The following NRXN3 variants were observed in gnomAD, a reference collection of about 807,000 sequenced individuals.
The protein encoded by NRXN3 is neurexin 3.
Under a neutral mutation model 137.6 loss-of-function variants are expected in NRXN3, and 32 were observed. The observed-to-expected ratio is 0.23, with a 90% CI of 0.18 to 0.31. The LOEUF (loss-of-function observed/expected upper bound fraction) is 0.31. NRXN3 is among the 10% of genes least tolerant of loss of function. The pLI, the probability that NRXN3 is intolerant of heterozygous loss-of-function variation, is 1.00. For missense variants in NRXN3, 1,574 were observed against 2,062.5 expected, an observed-to-expected ratio of 0.76 and a Z score of 4.59; for synonymous variants, 798 against 784.5, an observed-to-expected ratio of 1.02 and a Z score of -0.29.
At chr14:79,311,481 A>G (rs2087278089) in intron 15 of NRXN3, among the ~76,000 whole-genome samples, 1 of 30,770 alleles carries the variant, frequency 3.2e-5, no homozygotes, top group Non-Finnish European at 5.5e-5. Flanking sequence ...CTCTTTTTCT[A>G]TTGATTGGAA....
chr14:79,073,630 CT>C (rs2099691263), intron 15 of NRXN3, among the ~76,000 whole-genome samples: 1 of 152,106 alleles, frequency 6.6e-6, no homozygotes, highest in African/African-American at 2.4e-5. Context: ...ACAGCCTTTT[CT>C]TTTTATTCCC....
At chr14:79,144,956 T>C (rs1194749887) in intron 15 of NRXN3, among the ~76,000 whole-genome samples, 1 of 152,168 alleles carries the variant, frequency 6.6e-6, no homozygotes, top group Non-Finnish European at 1.5e-5. Context: ...TAGAAATTTT[T>C]GTCATAAAAC....
chr14:78,232,252 C>T (rs1442301037), intron 1 of NRXN3, among the ~76,000 whole-genome samples: 1 of 152,222 alleles, frequency 6.6e-6, no homozygotes, highest in East Asian at 1.9e-4. Flanking sequence ...GTTCTGTTCT[C>T]CTCACCAGCT....
chr14:78,732,477 A>G (rs560472444), intron 8 of NRXN3, among the ~76,000 whole-genome samples: 1 of 152,300 alleles, frequency 6.6e-6, no homozygotes, highest in East Asian at 1.9e-4. Context: ...AATGTGCCCC[A>G]ATATTGATAA....
At chr14:78,438,455 G>T (rs1033049686) in intron 4 of NRXN3, among the ~76,000 whole-genome samples, 1 of 152,188 alleles carries the variant, frequency 6.6e-6, no homozygotes, top group Non-Finnish European at 1.5e-5. Context: ...AAGGGTGAGG[G>T]GTTGAAACAA....
At chr14:78,770,063 G>A (rs2098721892) in intron 8 of NRXN3, among the ~76,000 whole-genome samples, 1 of 152,168 alleles carries the variant, frequency 6.6e-6, no homozygotes, top group South Asian at 2.1e-4. Context: ...CAAGGGATCT[G>A]TATTTATACA....
chr14:78,278,525 C>G, intron 2 of NRXN3, 120 bp from the exon 3 acceptor site: 1 of 824,730 alleles, frequency 1.2e-6, no homozygotes, highest in East Asian at 2.7e-5. Context: ...CTTGCATGAA[C>G]TTGATAGTCA....
At chr14:79,232,702 A>T (rs962824967) in intron 15 of NRXN3, among the ~76,000 whole-genome samples, 1 of 152,152 alleles carries the variant, frequency 6.6e-6, no homozygotes, top group Non-Finnish European at 1.5e-5. Context: ...TGAAGTATAG[A>T]TGAAGGTAAT....
intron 19 of NRXN3, among the ~76,000 whole-genome samples, chr14:79,710,865 T>C (rs1311466195): frequency 2.0e-5 from 3 of 152,124 alleles, no homozygotes; most frequent in Non-Finnish European, 4.4e-5. Context: ...AAGAATGAAA[T>C]AGAAATTTTT....
intron 16 of NRXN3, among the ~76,000 whole-genome samples, chr14:79,513,099 A>T (rs1239699290): frequency 6.6e-6 from 1 of 152,248 alleles, no homozygotes. Context: ...CCTGGGGTAT[A>T]ACCCCATAAG....
At chr14:78,950,185 C>T (rs2099384380) in intron 10 of NRXN3, among the ~76,000 whole-genome samples, 1 of 152,114 alleles carries the variant, frequency 6.6e-6, no homozygotes, top group South Asian at 2.1e-4. Context: ...AAAGGATCTT[C>T]CTGCCTATCC....
rs1011000457 is a variant in NRXN3, at chr14:79,371,520, T to A, written c.3263-95701T>A. Among the ~76,000 whole-genome samples the A allele has an allele frequency of 3.0e-4, 46 of 152,176 alleles. 1 individual carries two copies. The highest frequency in any genetic ancestry group is 5.0e-4 in the Non-Finnish European group (34 of 68,018). On this transcript the variant is annotated intron_variant, in intron 15 of 20. Transcript: ENST00000335750. ...TTTAATCCAAATAAATGTCTTTTTT[T>A]AAAAAACTGTTTAAAAAATGGTATT... is the stretch of plus-strand genomic sequence containing the variant.
intron 15 of NRXN3, among the ~76,000 whole-genome samples, chr14:79,005,654 C>T (rs760690074): frequency 1.1e-4 from 16 of 152,180 alleles, no homozygotes; most frequent in Non-Finnish European, 8.8e-5. Flanking sequence ...TCTTCCCCAA[C>T]GTGCCCTAAA....
intron 18 of NRXN3, among the ~76,000 whole-genome samples, chr14:79,696,508 C>T (rs1462996136): frequency 1.3e-5 from 2 of 151,694 alleles, no homozygotes; most frequent in East Asian, 3.9e-4. Context: ...AATCTGGAGA[C>T]ATAACAGTAA....
At chr14:78,571,617 T>G (rs757514727) in intron 4 of NRXN3, among the ~76,000 whole-genome samples, 35 of 152,306 alleles carry the variant, frequency 2.3e-4, no homozygotes, top group Admixed American at 7.2e-4. Context: ...CTTGGGTATT[T>G]AGAATACAGT....
intron 15 of NRXN3, among the ~76,000 whole-genome samples, chr14:79,356,166 A>T (rs2093415455): frequency 6.6e-6 from 1 of 152,160 alleles, no homozygotes. Context: ...TTGTTAAATT[A>T]TCCTAATGTA....
intron 4 of NRXN3, among the ~76,000 whole-genome samples, chr14:78,502,044 C>G (rs1401880138): frequency 1.3e-5 from 2 of 152,242 alleles, no homozygotes; most frequent in East Asian, 3.9e-4. Context: ...GAGATGTGTT[C>G]GCACAGATGT....
chr14:79,031,229 C>T (rs561522735), intron 15 of NRXN3, among the ~76,000 whole-genome samples: 92 of 152,126 alleles, frequency 6.0e-4, no homozygotes, highest in Middle Eastern at 3.4e-3. Context: ...TTTATATAAT[C>T]GAACTTTTAT....
intron 4 of NRXN3, among the ~76,000 whole-genome samples, chr14:78,373,566 A>G (rs1372000037): frequency 6.6e-6 from 1 of 152,206 alleles, no homozygotes. Context: ...CAGTGCTTGT[A>G]TTATGTGGCT....
Sources: gnomAD v4.1 joint callset for allele counts (sites outside exome capture counted in the v4.1 genomes callset) on GRCh38, gnomAD v4.1.1 for gene constraint, MANE v1.5 for transcripts, NCBI Gene and HGNC (gene_info 2026-07-23, HGNC 2026-07-21) for gene names.